The following GLYATL3 variants were observed in gnomAD, a reference collection of about 807,000 sequenced individuals.
The protein encoded by GLYATL3 is glycine-N-acyltransferase like 3.
Under a neutral mutation model 28.5 loss-of-function variants are expected in GLYATL3, and 31 were observed. The observed-to-expected ratio is 1.09, with a 90% CI of 0.82 to 1.47. The LOEUF is 1.47. Among genes scored for constraint, GLYATL3 ranks in the 40% most tolerant of loss-of-function variants. The pLI is 0.00. For synonymous variants in GLYATL3, 141 were observed against 140.2 expected (o/e 1.01, Z -0.04); for missense variants, 369 against 351.5 (o/e 1.05, Z -0.40).
At chr6:49,525,910 C>A (rs546438393) in intron 5 of GLYATL3, among the ~76,000 whole-genome samples, 1 of 152,292 alleles carries the variant, frequency 6.6e-6, no homozygotes, top group African/African-American at 2.4e-5. Flanking sequence ...ATTTATTTAA[C>A]AACAGAAACA....
At chr6:49,516,618 A>AATAGG (rs1209584085) in intron 3 of GLYATL3, among the ~76,000 whole-genome samples, 1 of 151,940 alleles carries the variant, frequency 6.6e-6, no homozygotes, top group African/African-American at 2.4e-5. Context: ...TCCTAGAAAA[A>AATAGG]TGTGAAATAG....
chr6:49,512,590 C>T (rs1453152623), intron 2 of GLYATL3, among the ~76,000 whole-genome samples: 1 of 152,112 alleles, frequency 6.6e-6, no homozygotes, highest in Non-Finnish European at 1.5e-5. Flanking sequence ...GACTAGGTGG[C>T]ACTGCAGTTA....
At chr6:49,516,299 C>T (rs996609474) in intron 3 of GLYATL3, among the ~76,000 whole-genome samples, 1 of 151,992 alleles carries the variant, frequency 6.6e-6, no homozygotes, top group African/African-American at 2.4e-5. Context: ...ACTTGAAAAA[C>T]CTCTAGTCCA....
chr6:49,524,611 C>T (rs1003188976), intron 5 of GLYATL3, among the ~76,000 whole-genome samples: 6 of 152,076 alleles, frequency 3.9e-5, no homozygotes, highest in African/African-American at 1.4e-4. Flanking sequence ...AGCTAGTGGC[C>T]TATACAAATA....
rs1384049081 is a variant in GLYATL3, at chr6:49,526,546, C to A, written c.499C>A (p.Arg167=). The change falls in exon 6 of 6, where the codon CGG becomes AGG. Residue 167 remains arginine, a synonymous_variant. Coordinates refer to ENST00000371197, the MANE Select transcript of GLYATL3 (RefSeq NM_001010904.2). The part of the protein sequence containing the change: ...LSVANADLLN[R]TWSRGGNEQC... ...TGTTGCCAATGCGGATCTACTCAAC[C>A]GGACTTGGTCCCGGGGAGGCAATGA... 1.2e-5 allele frequency: 19 copies of A among 1,551,784 alleles called. No homozygotes were observed. Among genetic ancestry groups the A allele is most frequent in the Middle Eastern group, 1.7e-4 (1 of 5,994 alleles).
At chr6:49,503,361 A>G (rs1280356044) in intron 1 of GLYATL3, among the ~76,000 whole-genome samples, 1 of 152,240 alleles carries the variant, frequency 6.6e-6, no homozygotes, top group Non-Finnish European at 1.5e-5. Flanking sequence ...AGTCATATCT[A>G]TGGTTAATCT....
intron 5 of GLYATL3, among the ~76,000 whole-genome samples, chr6:49,526,022 C>G (rs1328970505): frequency 6.6e-6 from 1 of 152,124 alleles, no homozygotes; most frequent in Non-Finnish European, 1.5e-5. Flanking sequence ...AGAAATGAAA[C>G]CCGGAAAGGT....
chr6:49,522,103 G>C (rs1019033462), intron 5 of GLYATL3, among the ~76,000 whole-genome samples: 2 of 152,092 alleles, frequency 1.3e-5, no homozygotes, highest in East Asian at 3.8e-4. Flanking sequence ...AATATATACT[G>C]TCTGAGTCCA....
intron 1 of GLYATL3, among the ~76,000 whole-genome samples, chr6:49,508,792 G>T (rs1048507102): frequency 2.0e-5 from 3 of 152,070 alleles, no homozygotes; most frequent in Admixed American, 1.3e-4. Context: ...CAATAATCAG[G>T]AGCATTTCAT....
chr6:49,526,446 T>C (rs1190064383), intron 5 of GLYATL3, 42 bp from the exon 6 acceptor site: 1 of 1,487,064 alleles, frequency 6.7e-7, no homozygotes, highest in East Asian at 2.5e-5. Flanking sequence ...TATAACCACA[T>C]GAGTCTGAGG....
At chr6:49,519,629 C>T (rs1357168137) in intron 4 of GLYATL3, among the ~76,000 whole-genome samples, 1 of 152,198 alleles carries the variant, frequency 6.6e-6, no homozygotes, top group Non-Finnish European at 1.5e-5. Flanking sequence ...ACAGTGCAGG[C>T]TCCAGTCACA....
chr6:49,508,883 A>G (rs1769064642), intron 1 of GLYATL3, among the ~76,000 whole-genome samples: 1 of 152,146 alleles, frequency 6.6e-6, no homozygotes, highest in Non-Finnish European at 1.5e-5. Flanking sequence ...AGGCTGAGAC[A>G]GGAGAATTGC....
intron 4 of GLYATL3, among the ~76,000 whole-genome samples, chr6:49,520,880 A>C (rs774182980): frequency 3.3e-5 from 5 of 152,170 alleles, no homozygotes; most frequent in Non-Finnish European, 5.9e-5. Flanking sequence ...AACTTAAAAA[A>C]TAAATCAGCC....
intron 5 of GLYATL3, 75 bp from the exon 6 acceptor site, chr6:49,526,413 G>A (rs932109572): frequency 1.2e-5 from 14 of 1,166,876 alleles, no homozygotes; most frequent in African/African-American, 9.4e-5. Context: ...ACTGTGTCTC[G>A]AAAAAAAAAA....
Position 49,512,030 on chromosome 6 carries a change from GA to G in GLYATL3, c.41del (p.Glu14GlyfsTer4). ...LNCSTKLLIL[E>X]KMLKSCFPES... ...CTGTTCTACCAAATTACTGATACTG[GA>G]GAAAATGTTGAAGAGTTGCTTTCCT... is the stretch of plus-strand genomic sequence containing the variant. On this transcript the variant is annotated frameshift_variant, in exon 2 of 6. Coordinates refer to ENST00000371197, the MANE Select transcript of GLYATL3 (RefSeq NM_001010904.2). LOFTEE classifies it high-confidence loss of function. The G allele has an allele frequency of 6.6e-7, 1 of 1,505,728 alleles. No individual in the cohort carries two copies. The highest frequency in any genetic ancestry group is 9.0e-7 in the Non-Finnish European group (1 of 1,107,592). 93.3% of individuals were successfully genotyped at this position (1,505,728 alleles called of 1,614,324 possible).
At chr6:49,501,051 C>A (rs926301348) in intron 1 of GLYATL3, among the ~76,000 whole-genome samples, 1 of 152,144 alleles carries the variant, frequency 6.6e-6, no homozygotes, top group Non-Finnish European at 1.5e-5. Context: ...TTGTGAGTTG[C>A]ATGAGTATAG....
At chr6:49,517,157 T>TA (rs35821614) in intron 3 of GLYATL3, among the ~76,000 whole-genome samples, 129,484 of 134,582 alleles carry the variant, frequency 0.96, 62,427 homozygotes, top group East Asian at 1. Context: ...AGACTCTGTC[T>TA]AAAAAAAAAA....
intron 4 of GLYATL3, 150 bp downstream of exon 4, chr6:49,517,706 A>G: frequency 1.9e-6 from 1 of 529,096 alleles, no homozygotes; most frequent in Non-Finnish European, 3.1e-6. Context: ...CATTTTATGC[A>G]TTTACCATTT....
chr6:49,501,393 G>A (rs548559513), intron 1 of GLYATL3, among the ~76,000 whole-genome samples: 3 of 152,284 alleles, frequency 2.0e-5, no homozygotes, highest in African/African-American at 7.2e-5. Flanking sequence ...CAGGTCCCGC[G>A]GTGCCGCCAA....
Sources: gnomAD v4.1 joint callset for allele counts (sites outside exome capture counted in the v4.1 genomes callset) on GRCh38, gnomAD v4.1.1 for gene constraint, MANE v1.5 for transcripts, NCBI Gene and HGNC (gene_info 2026-07-23, HGNC 2026-07-21) for gene names.